ARMC2: variants seen among roughly 807,000 people sequenced by gnomAD.
ARMC2 encodes armadillo repeat containing 2, also known as armadillo repeat-containing protein 2.
A neutral mutation model predicts 90.3 loss-of-function variants in ARMC2; 67 were observed. The ratio of observed to expected loss-of-function variants is 0.74; its 90% CI spans 0.61 to 0.91. The LOEUF (loss-of-function observed/expected upper bound fraction) is 0.91. ARMC2 is among the 40% of genes least tolerant of loss of function. The pLI is 0.00. For missense variants in ARMC2, 920 were observed against 1,030.9 expected (o/e 0.89, Z 1.47); for synonymous variants, 393 against 393.0 (o/e 1.00, Z 0.00).
chr6:109,003,912 T>C, the ARMC2 span, among the ~76,000 whole-genome samples: 15 of 152,222 alleles, frequency 9.9e-5, no homozygotes, highest in Non-Finnish European at 1.5e-4. Context: ...CTAATTTCTT[T>C]AATCTTGAAA....
chr6:109,022,120 CTT>C, the ARMC2 span, among the ~76,000 whole-genome samples: 1 of 150,012 alleles, frequency 6.7e-6, no homozygotes, highest in South Asian at 2.1e-4. Context: ...CTCCTTTCTT[CTT>C]TTAATTTCCT....
chr6:109,016,920 T>A, the ARMC2 span, among the ~76,000 whole-genome samples: 2 of 152,162 alleles, frequency 1.3e-5, no homozygotes, highest in Non-Finnish European at 2.9e-5. Context: ...TTTATTCAGA[T>A]GATATAAATT....
chr6:109,032,443 C>CCTGTCT, the ARMC2 span, among the ~76,000 whole-genome samples: 1,263 of 152,140 alleles, frequency 8.3e-3, 12 homozygotes, highest in South Asian at 0.02. Flanking sequence ...ATAGTGAAAC[C>CCTGTCT]CTGTCTCTAC....
chr6:109,009,255 C>T, the ARMC2 span: 4 of 1,080,138 alleles, frequency 3.7e-6, no homozygotes, highest in South Asian at 2.4e-5. Flanking sequence ...TGACCGGGAG[C>T]GACTGTGAGG....
the ARMC2 span, among the ~76,000 whole-genome samples, chr6:108,993,912 T>C: frequency 0.098 from 14,921 of 151,860 alleles, 898 homozygotes; most frequent in Middle Eastern, 0.19. Context: ...GAAGCAATCT[T>C]GGGACTATTT....
At chr6:108,849,585 A>G (rs1315155056) in intron 1 of ARMC2, among the ~76,000 whole-genome samples, 2 of 152,188 alleles carry the variant, frequency 1.3e-5, no homozygotes, top group Non-Finnish European at 1.5e-5. Context: ...TCTCTTTTGC[A>G]ATTTCTTTTT....
At chr6:108,942,164 G>T (rs1202049784) in intron 12 of ARMC2, among the ~76,000 whole-genome samples, 1 of 152,188 alleles carries the variant, frequency 6.6e-6, no homozygotes. Context: ...ATGATGCTTG[G>T]CAAAGTAAGC....
At chr6:109,042,634 C>T in the ARMC2 span, among the ~76,000 whole-genome samples, 6 of 151,724 alleles carry the variant, frequency 4.0e-5, no homozygotes, top group African/African-American at 1.5e-4. Flanking sequence ...GGTCAATTCC[C>T]ACCATAACTC....
At chr6:108,907,585 G>A (rs965656139) in intron 8 of ARMC2, 2 of 1,518,176 alleles carry the variant, frequency 1.3e-6, no homozygotes, top group East Asian at 2.3e-5. Context: ...GTCGTGGGGT[G>A]GGGGGGTGCA....
the ARMC2 span, among the ~76,000 whole-genome samples, chr6:108,996,327 C>T: frequency 4.2e-3 from 641 of 152,186 alleles, 2 homozygotes; most frequent in Non-Finnish European, 6.9e-3. Context: ...GTTTCTATGA[C>T]GATACTGAAG....
chr6:109,049,648 T>C, the ARMC2 span, among the ~76,000 whole-genome samples: 1 of 151,532 alleles, frequency 6.6e-6, no homozygotes, highest in Non-Finnish European at 1.5e-5. Flanking sequence ...TTATGTACAA[T>C]TATTATGTGT....
chr6:108,964,579 GC>G (rs1380864415), intron 16 of ARMC2, among the ~76,000 whole-genome samples: 1 of 152,164 alleles, frequency 6.6e-6, no homozygotes, highest in Non-Finnish European at 1.5e-5. Context: ...TTCGAGAGCA[GC>G]CTGGCCAACA....
At chr6:108,881,938 A>G (rs1777621612) in intron 5 of ARMC2, among the ~76,000 whole-genome samples, 1 of 152,116 alleles carries the variant, frequency 6.6e-6, no homozygotes, top group African/African-American at 2.4e-5. Flanking sequence ...CAGCGTTAAT[A>G]AATAAATGGC....
At chr6:108,892,551 G>A (rs1363612322) in intron 5 of ARMC2, among the ~76,000 whole-genome samples, 1 of 151,892 alleles carries the variant, frequency 6.6e-6, no homozygotes, top group Non-Finnish European at 1.5e-5. Context: ...CCTGAGGTTG[G>A]GAGTTTGAGA....
intron 13 of ARMC2, among the ~76,000 whole-genome samples, chr6:108,956,667 C>T (rs1184556925): frequency 6.6e-6 from 1 of 152,116 alleles, no homozygotes; most frequent in Non-Finnish European, 1.5e-5. Context: ...CACCACTGCA[C>T]TCTGGCCTGG....
At position 108,916,632 on chromosome 6, in the gene ARMC2, G is replaced by A. The variant is rs142938927; in HGVS notation, c.1350+4074G>A. Among the ~76,000 whole-genome samples the A allele has an allele frequency of 6.6e-5, 10 of 152,282 alleles. 1 individual carries two copies. The East Asian group carries it at 1.7e-3, about 26-fold the overall frequency. On this transcript the variant is annotated intron_variant, in intron 10 of 17. Coordinates refer to ENST00000392644, the MANE Select transcript of ARMC2 (RefSeq NM_032131.6). The stretch of plus-strand genomic sequence containing the variant: ...AAACAGAAATATAGGCCAACTAACA[G>A]GCAAGGCCCCTAAATGCCAGTAGTA...
At chr6:108,956,356 A>G (rs1322179415) in intron 13 of ARMC2, among the ~76,000 whole-genome samples, 1 of 152,138 alleles carries the variant, frequency 6.6e-6, no homozygotes, top group Non-Finnish European at 1.5e-5. Flanking sequence ...AGGAAGAGTG[A>G]ATAACTTGCT....
chr6:108,890,953 T>C (rs969184021), intron 5 of ARMC2, among the ~76,000 whole-genome samples: 13 of 145,904 alleles, frequency 8.9e-5, no homozygotes, highest in Non-Finnish European at 1.8e-4. Flanking sequence ...CCCCTCTCTG[T>C]GTTCATGTGT....
chr6:108,910,783 C>T, intron 8 of ARMC2, 116 bp from the exon 9 acceptor site: 1 of 426,588 alleles, frequency 2.3e-6, no homozygotes, highest in Non-Finnish European at 3.7e-6. Flanking sequence ...TTCTTTAGAA[C>T]TTTTTCATGT....
Sources: gnomAD v4.1 joint callset for allele counts (sites outside exome capture counted in the v4.1 genomes callset) on GRCh38, gnomAD v4.1.1 for gene constraint, MANE v1.5 for transcripts, NCBI Gene and HGNC (gene_info 2026-07-23, HGNC 2026-07-21) for gene names.